The following ULK4 variants were observed in gnomAD, a reference collection of about 807,000 sequenced individuals.
ULK4 encodes the protein inactive serine/threonine-protein kinase ULK4.
Under a neutral mutation model 160.6 loss-of-function variants are expected in ULK4, and 133 were observed. The observed-to-expected ratio is 0.83, with a 90% CI of 0.72 to 0.96. The LOEUF (loss-of-function observed/expected upper bound fraction) is 0.96, where lower values mean the gene tolerates loss of function less well. ULK4 is among the 40% of genes least tolerant of loss of function. The pLI is 0.00. For synonymous variants in ULK4, 534 were observed against 539.8 expected, an observed-to-expected ratio of 0.99 and a Z score of 0.15; for missense variants, 1,580 against 1,499.5, an observed-to-expected ratio of 1.05 and a Z score of -0.89.
chr3:41,416,078 T>C (rs190168007), intron 34 of ULK4, among the ~76,000 whole-genome samples: 2 of 152,310 alleles, frequency 1.3e-5, no homozygotes, highest in African/African-American at 4.8e-5. Context: ...CACATTTCTA[T>C]AGAAATGACC....
rs758410943 is a variant in ULK4, at chr3:41,253,791, G to A, written c.3679-4217C>T. Among the ~76,000 whole-genome samples the A allele has an allele frequency of 6.9e-4, 105 of 152,116 alleles. 1 individual carries two copies. Among genetic ancestry groups the A allele is most frequent in the Non-Finnish European group, 1.3e-3 (86 of 68,010 alleles). On this transcript the variant is annotated intron_variant, in intron 35 of 36. Coordinates refer to ENST00000301831, the MANE Select transcript of ULK4 (RefSeq NM_017886.4). ...ATCTTAATTCAAATATAATGAGATA[G>A]TGGTTTAAAGTAAGAGGATGAAAAA...
At chr3:41,703,834 G>GCACACACA (rs35693704) in intron 27 of ULK4, among the ~76,000 whole-genome samples, 333 of 129,286 alleles carry the variant, frequency 2.6e-3, no homozygotes, top group African/African-American at 0.011. Context: ...TAATGCGCAT[G>GCACACACA]CACACACACA....
intron 19 of ULK4, among the ~76,000 whole-genome samples, chr3:41,815,563 C>A (rs2040939074): frequency 1.3e-5 from 2 of 152,166 alleles, no homozygotes. Context: ...TGAGGACCTG[C>A]TTATGCTTTT....
intron 8 of ULK4, among the ~76,000 whole-genome samples, chr3:41,915,214 CTAATA>C (rs1244666380): frequency 1.3e-5 from 2 of 152,132 alleles, no homozygotes; most frequent in Non-Finnish European, 2.9e-5. Context: ...TGAAAGCATT[CTAATA>C]TAAGTAAAGG....
intron 31 of ULK4, among the ~76,000 whole-genome samples, chr3:41,601,976 T>C (rs894644526): frequency 6.6e-6 from 1 of 152,102 alleles, no homozygotes; most frequent in Non-Finnish European, 1.5e-5. Context: ...GGAGGATCTC[T>C]TGAGGCCAGG....
intron 32 of ULK4, among the ~76,000 whole-genome samples, chr3:41,493,518 A>C (rs2084871588): frequency 8.2e-6 from 1 of 122,422 alleles, no homozygotes; most frequent in South Asian, 2.6e-4. Context: ...AATTAAAAGA[A>C]CTAGAAAAGC....
intron 32 of ULK4, among the ~76,000 whole-genome samples, chr3:41,483,417 A>T (rs1220813586): frequency 6.6e-6 from 1 of 151,954 alleles, no homozygotes; most frequent in African/African-American, 2.4e-5. Context: ...TCCCCACCTC[A>T]TATGCATACT....
chr3:41,661,729 T>G (rs1282489906), intron 30 of ULK4, among the ~76,000 whole-genome samples: 1 of 152,174 alleles, frequency 6.6e-6, no homozygotes, highest in Non-Finnish European at 1.5e-5. Flanking sequence ...AACAGTATAT[T>G]CAAATATTAC....
At chr3:41,361,977 A>C (rs1416739293) in intron 35 of ULK4, among the ~76,000 whole-genome samples, 1 of 152,178 alleles carries the variant, frequency 6.6e-6, no homozygotes, top group Non-Finnish European at 1.5e-5. Flanking sequence ...AAGGCATTCT[A>C]AACAGTTGAA....
rs1412977001 is a variant in ULK4 at position 41,721,358 on chromosome 3, A to AT, written c.2322-3498dup. Among the ~76,000 whole-genome samples the AT allele has an allele frequency of 1.3e-3, 81 of 61,256 alleles. 4 individuals carry two copies. Among genetic ancestry groups the AT allele is most frequent in the African/African-American group, 7.5e-3 (78 of 10,434 alleles). 40.2% of individuals were successfully genotyped at this position (61,256 alleles called of 152,430 possible). A position where few individuals can be genotyped will look rare whatever the true frequency, so the allele number is the denominator to read the frequency against. On this transcript the variant is annotated intron_variant, in intron 22 of 36. Coordinates refer to ENST00000301831, the MANE Select transcript of ULK4 (RefSeq NM_017886.4). ...AATATATATATATATATATATATAT[A>AT]TATATTTTTTTTTTTTTTTTTTTGA...
intron 31 of ULK4, among the ~76,000 whole-genome samples, chr3:41,570,162 G>A (rs970638529): frequency 6.6e-6 from 1 of 152,206 alleles, no homozygotes; most frequent in African/African-American, 2.4e-5. Flanking sequence ...ACCTCCCACT[G>A]ATGAGAGCCA....
At chr3:41,706,891 A>G (rs62258605) in intron 25 of ULK4, among the ~76,000 whole-genome samples, 8,037 of 102,878 alleles carry the variant, frequency 0.078, 247 homozygotes, top group Non-Finnish European at 0.094. Context: ...GTGTGTGTGT[A>G]TATATATATA....
chr3:41,579,263 AG>A (rs1337568668), intron 31 of ULK4, among the ~76,000 whole-genome samples: 1 of 152,186 alleles, frequency 6.6e-6, no homozygotes, highest in African/African-American at 2.4e-5. Flanking sequence ...AAAATGAAAG[AG>A]AAAACCAGAA....
At chr3:41,635,511 C>T (rs1198177718) in intron 30 of ULK4, among the ~76,000 whole-genome samples, 1 of 151,830 alleles carries the variant, frequency 6.6e-6, no homozygotes, top group South Asian at 2.1e-4. Context: ...AAAATATAAT[C>T]CCACTATTCC....
chr3:41,580,223 A>C (rs1305405149), intron 31 of ULK4, among the ~76,000 whole-genome samples: 1 of 152,174 alleles, frequency 6.6e-6, no homozygotes, highest in Non-Finnish European at 1.5e-5. Context: ...GGTTGAGCAC[A>C]GAGGGGGTGC....
intron 21 of ULK4, among the ~76,000 whole-genome samples, chr3:41,771,315 C>T (rs534254857): frequency 1.1e-4 from 16 of 152,102 alleles, no homozygotes; most frequent in African/African-American, 2.7e-4. Context: ...TATTCTGGAA[C>T]TTTCTGTAAA....
At chr3:41,305,882 G>A (rs868433766) in intron 35 of ULK4, among the ~76,000 whole-genome samples, 8 of 145,788 alleles carry the variant, frequency 5.5e-5, no homozygotes, top group Admixed American at 3.4e-4. Context: ...GCCCCGTCTG[G>A]GATGTGAGGA....
At chr3:41,271,961 G>A (rs1260045009) in intron 35 of ULK4, among the ~76,000 whole-genome samples, 1 of 152,066 alleles carries the variant, frequency 6.6e-6, no homozygotes, top group African/African-American at 2.4e-5. Context: ...TTGTCACCCA[G>A]GCTGGAGTGC....
At chr3:41,602,358 A>C (rs1442402821) in intron 31 of ULK4, among the ~76,000 whole-genome samples, 1 of 149,424 alleles carries the variant, frequency 6.7e-6, no homozygotes, top group Non-Finnish European at 1.5e-5. Flanking sequence ...AAAGGAAAGG[A>C]AAGGAGGAAG....
Sources: allele counts gnomAD v4.1 joint callset (sites outside exome capture counted in the v4.1 genomes callset), GRCh38; gene constraint gnomAD v4.1.1; transcripts MANE v1.5; gene names NCBI Gene and HGNC (gene_info 2026-07-23, HGNC 2026-07-21).